COL19A1: variants seen among roughly 807,000 people sequenced by gnomAD.
The protein encoded by COL19A1 is collagen alpha-1(XIX) chain.
In COL19A1, 159 loss-of-function variants were observed where a neutral mutation model predicts 190.2. The observed-to-expected ratio is 0.84, with a 90% confidence interval of 0.73 to 0.95. The LOEUF (loss-of-function observed/expected upper bound fraction) is 0.95, where lower values mean the gene tolerates loss of function less well. Ranked by LOEUF, COL19A1 falls within the 40% of genes least tolerant of loss-of-function variation. The pLI is 0.00. For missense variants in COL19A1, 1,418 were observed against 1,431.9 expected (o/e 0.99, Z 0.16); for synonymous variants, 509 against 458.9 (o/e 1.11, Z -1.39).
intron 47 of COL19A1, among the ~76,000 whole-genome samples, chr6:70,188,513 C>T (rs899144009): frequency 1.3e-5 from 2 of 152,208 alleles, no homozygotes; most frequent in Admixed American, 6.5e-5. Flanking sequence ...TGAGCATTAA[C>T]TTGCCCAAGG....
chr6:70,119,297 A>G (rs1784749372), intron 16 of COL19A1, among the ~76,000 whole-genome samples: 1 of 152,208 alleles, frequency 6.6e-6, no homozygotes, highest in Non-Finnish European at 1.5e-5. Context: ...CTGTATGAAC[A>G]TAGATGGGAG....
intron 41 of COL19A1, among the ~76,000 whole-genome samples, chr6:70,174,371 C>A (rs1028847566): frequency 1.4e-4 from 22 of 152,272 alleles, no homozygotes; most frequent in Non-Finnish European, 2.5e-4. Flanking sequence ...AGTTCAAGAC[C>A]AGCCTGGCCA....
At chr6:70,181,656 A>AAGACAC (rs1766183356) in intron 44 of COL19A1, among the ~76,000 whole-genome samples, 1 of 147,820 alleles carries the variant, frequency 6.8e-6, no homozygotes, top group Admixed American at 6.8e-5. Flanking sequence ...AGATAAAAAC[A>AAGACAC]ACACACACAC....
rs1426207455 is a variant in COL19A1 at position 69,938,418 on chromosome 6, C to T, written c.936+318C>T. 2.6e-5 allele frequency among the ~76,000 whole-genome samples: 4 copies of T among 152,096 alleles called. No individual in the cohort carries two copies. The East Asian group carries it at 7.7e-4, about 29-fold the overall frequency. ...CCTAGCCTTCTTTAGCATTCCCTTC[C>T]CCAAATCCCTGTTGAATTCTTGCTT... On this transcript the variant is annotated intron_variant, in intron 9 of 50. Transcript: ENST00000620364.
intron 2 of COL19A1, among the ~76,000 whole-genome samples, chr6:69,881,377 T>C (rs1422289983): frequency 2.0e-5 from 3 of 152,234 alleles, no homozygotes; most frequent in Non-Finnish European, 2.9e-5. Flanking sequence ...TTTAAAATTG[T>C]GATAAGAACA....
intron 49 of COL19A1, among the ~76,000 whole-genome samples, chr6:70,203,013 C>T (rs1767643476): frequency 6.6e-6 from 1 of 152,144 alleles, no homozygotes; most frequent in Non-Finnish European, 1.5e-5. Flanking sequence ...GGCTGGTTCT[C>T]CCGGGTATGA....
chr6:70,029,699 G>A (rs1055512021), intron 12 of COL19A1, among the ~76,000 whole-genome samples: 1 of 152,176 alleles, frequency 6.6e-6, no homozygotes, highest in Non-Finnish European at 1.5e-5. Context: ...ACAGGAAGAC[G>A]TGAGTTACAT....
In COL19A1 at chr6:69,921,422, T is replaced by TATC. The variant is rs1192699795; in HGVS notation, c.267-6485_267-6484insCAT. On this transcript the variant is annotated intron_variant, in intron 4 of 50. Transcript: ENST00000620364. Reference sequence around the variant, plus strand: ...TATATCATATATATCATATATCATATATATCATATATATCATATATATCAT... The same window carrying TATC: ...TATATCATATATATCATATATCATATATCATATCATATATATCATATATATCAT... Among the ~76,000 whole-genome samples the TATC allele has an allele frequency of 4.7e-4, 60 of 127,298 alleles. 4 individuals carry two copies. Among genetic ancestry groups the TATC allele is most frequent in the African/African-American group, 1.8e-3 (55 of 29,818 alleles). 83.5% of individuals were successfully genotyped at this position (127,298 alleles called of 152,430 possible).
intron 4 of COL19A1, among the ~76,000 whole-genome samples, chr6:69,926,396 C>G (rs2150008756): frequency 6.6e-6 from 1 of 151,744 alleles, no homozygotes; most frequent in South Asian, 2.1e-4. Context: ...CTGTAATGAA[C>G]TAAAGAAAAG....
At position 70,178,996 on chromosome 6, in the gene COL19A1, C is replaced by G. The variant is rs530652637; in HGVS notation, c.2668-1316C>G. ...TGACTTCCATCAATGTCCCTTATCTCTTTGTCTCAGATCTCAAGGCCCGAG... is the reference window on the plus strand; with the variant it reads ...TGACTTCCATCAATGTCCCTTATCTGTTTGTCTCAGATCTCAAGGCCCGAG... On this transcript the variant is annotated intron_variant, in intron 42 of 50. Coordinates refer to ENST00000620364, the MANE Select transcript of COL19A1 (RefSeq NM_001858.6). 1.8e-4 allele frequency among the ~76,000 whole-genome samples: 28 copies of G among 152,264 alleles called. No individual in the cohort carries two copies. The East Asian group carries it at 5.0e-3, about 27-fold the overall frequency.
chr6:70,026,447 G>A (rs886459554), intron 12 of COL19A1, among the ~76,000 whole-genome samples: 1 of 152,124 alleles, frequency 6.6e-6, no homozygotes, highest in African/African-American at 2.4e-5. Flanking sequence ...CTTTAGCACC[G>A]TTATTGTCTG....
At chr6:69,937,777 A>C (rs1773204936) in intron 8 of COL19A1, among the ~76,000 whole-genome samples, 1 of 152,140 alleles carries the variant, frequency 6.6e-6, no homozygotes, top group African/African-American at 2.4e-5. Context: ...GTCCATAGAG[A>C]AACAGCTTGT....
chr6:69,873,798 C>T (rs1314889480), intron 1 of COL19A1, among the ~76,000 whole-genome samples: 1 of 152,088 alleles, frequency 6.6e-6, no homozygotes, highest in Non-Finnish European at 1.5e-5. Flanking sequence ...AATCATAGCA[C>T]CAATATTCTC....
chr6:69,895,695 A>C (rs995818974), intron 2 of COL19A1, among the ~76,000 whole-genome samples: 3 of 152,208 alleles, frequency 2.0e-5, no homozygotes, highest in African/African-American at 7.2e-5. Flanking sequence ...GAGTTTCTCC[A>C]GGGACCCCCT....
intron 11 of COL19A1, among the ~76,000 whole-genome samples, chr6:69,982,051 A>G (rs978179335): frequency 6.6e-6 from 1 of 152,206 alleles, no homozygotes; most frequent in Non-Finnish European, 1.5e-5. Context: ...TGTTGCCATC[A>G]TAGCAATGAC....
chr6:70,157,613 A>C (rs1194935978), intron 34 of COL19A1, among the ~76,000 whole-genome samples: 3 of 152,112 alleles, frequency 2.0e-5, no homozygotes, highest in Non-Finnish European at 2.9e-5. Context: ...GTAATCTAGA[A>C]AACTTTGAGG....
At chr6:70,056,230 T>C (rs1051972317) in intron 14 of COL19A1, among the ~76,000 whole-genome samples, 1 of 152,186 alleles carries the variant, frequency 6.6e-6, no homozygotes, top group African/African-American at 2.4e-5. Context: ...AAAAATGTTT[T>C]GTTTTGTTTT....
intron 27 of COL19A1, 127 bp downstream of exon 27, chr6:70,147,016 A>G: frequency 2.7e-6 from 2 of 753,954 alleles, no homozygotes; most frequent in South Asian, 4.6e-5. Context: ...CTATCCAGAG[A>G]TGACTGATCA....
intron 46 of COL19A1, among the ~76,000 whole-genome samples, chr6:70,185,758 C>T (rs1766474271): frequency 6.6e-6 from 1 of 152,052 alleles, no homozygotes; most frequent in Non-Finnish European, 1.5e-5. Flanking sequence ...CAGTGTAATT[C>T]TATTAAGGGT....
Sources: gnomAD v4.1 joint callset for allele counts (sites outside exome capture counted in the v4.1 genomes callset) on GRCh38, gnomAD v4.1.1 for gene constraint, MANE v1.5 for transcripts, NCBI Gene and HGNC (gene_info 2026-07-23, HGNC 2026-07-21) for gene names.